The following CCSER1 variants were observed in gnomAD, a reference collection of about 807,000 sequenced individuals.
CCSER1 encodes the protein serine-rich coiled-coil domain-containing protein 1.
CCSER1 carries 41 observed loss-of-function variants against 82.0 expected under a neutral mutation model. The observed-to-expected ratio is 0.50, with a 90% CI of 0.39 to 0.65. CCSER1 has a LOEUF of 0.65. CCSER1 is among the 30% of genes least tolerant of loss of function. The pLI, the probability that CCSER1 is intolerant of heterozygous loss-of-function variation, is 0.00. For synonymous variants in CCSER1, 414 were observed against 383.9 expected (o/e 1.08, Z -0.92); for missense variants, 1,119 against 1,064.2 (o/e 1.05, Z -0.72).
intron 1 of CCSER1, among the ~76,000 whole-genome samples, chr4:90,250,621 A>G (rs1346202934): frequency 6.6e-6 from 1 of 152,114 alleles, no homozygotes; most frequent in Non-Finnish European, 1.5e-5. Context: ...GTAGTTTGGT[A>G]GTAAGTTTTG....
chr4:90,567,100 T>A (rs567885437), intron 5 of CCSER1, among the ~76,000 whole-genome samples: 30 of 151,996 alleles, frequency 2.0e-4, no homozygotes, highest in African/African-American at 7.0e-4. Flanking sequence ...TTTCATTAGT[T>A]TCTGCTTAGA....
chr4:90,963,495 A>G (rs1734240724), intron 9 of CCSER1, among the ~76,000 whole-genome samples: 2 of 152,192 alleles, frequency 1.3e-5, no homozygotes, highest in African/African-American at 4.8e-5. Flanking sequence ...GTGAATACTT[A>G]GAGATAGGGC....
rs551737955 is a variant in CCSER1 at position 90,349,901 on chromosome 4, A to G, written c.1509+36854A>G. On this transcript the variant is annotated intron_variant, in intron 3 of 10. Transcript: ENST00000509176. Reference sequence around the variant, plus strand: ...AGTGTTCACAGTTCCACAGATGGAAAGACTTAGAAACCCTAAACTGTCATA... The same window carrying G: ...AGTGTTCACAGTTCCACAGATGGAAGGACTTAGAAACCCTAAACTGTCATA... Among the ~76,000 whole-genome samples, 5 of 152,256 alleles carry G rather than the reference A, an allele frequency of 3.3e-5. No homozygotes were observed. The South Asian group carries it at 1.0e-3, about 32-fold the overall frequency.
chr4:90,942,954 A>G (rs1325508988), intron 9 of CCSER1, among the ~76,000 whole-genome samples: 1 of 148,172 alleles, frequency 6.7e-6, no homozygotes, highest in African/African-American at 2.5e-5. Flanking sequence ...TTTTTCATAT[A>G]TATATATATA....
chr4:91,258,283 T>C (rs1740848182), intron 10 of CCSER1, among the ~76,000 whole-genome samples: 1 of 152,120 alleles, frequency 6.6e-6, no homozygotes, highest in Admixed American at 6.5e-5. Context: ...GCAACCCTTT[T>C]AAAAACTGGA....
chr4:90,435,789 G>C (rs1758918593), intron 4 of CCSER1, among the ~76,000 whole-genome samples: 1 of 151,892 alleles, frequency 6.6e-6, no homozygotes, highest in Non-Finnish European at 1.5e-5. Flanking sequence ...TGAGTATTAA[G>C]GTTTATTCCA....
At chr4:90,709,552 T>C (rs1404485342) in intron 6 of CCSER1, among the ~76,000 whole-genome samples, 1 of 152,082 alleles carries the variant, frequency 6.6e-6, no homozygotes, top group Non-Finnish European at 1.5e-5. Context: ...TTCTGTTCCT[T>C]CACTAGTTTG....
intron 6 of CCSER1, among the ~76,000 whole-genome samples, chr4:90,705,922 G>A (rs1189414522): frequency 2.0e-5 from 3 of 152,172 alleles, no homozygotes; most frequent in South Asian, 2.1e-4. Context: ...TTGCACTTCC[G>A]GGGTCAGGCG....
chr4:90,703,319 T>G (rs1161587843), intron 6 of CCSER1, among the ~76,000 whole-genome samples: 1 of 152,262 alleles, frequency 6.6e-6, no homozygotes, highest in Non-Finnish European at 1.5e-5. Context: ...CTAGTTTTAT[T>G]GCACTGTGTT....
chr4:91,027,715 T>C (rs967849502), intron 9 of CCSER1, among the ~76,000 whole-genome samples: 2 of 152,074 alleles, frequency 1.3e-5, no homozygotes, highest in Non-Finnish European at 2.9e-5. Context: ...CAGGGTTTAC[T>C]TCTAATTTTA....
At chr4:90,504,386 A>T (rs1437550867) in intron 5 of CCSER1, among the ~76,000 whole-genome samples, 3 of 152,234 alleles carry the variant, frequency 2.0e-5, no homozygotes, top group African/African-American at 7.2e-5. Context: ...ATAAACAAAG[A>T]TCCAATAGCT....
intron 10 of CCSER1, among the ~76,000 whole-genome samples, chr4:91,482,234 C>T (rs1317864538): frequency 7.1e-6 from 1 of 141,708 alleles, no homozygotes; most frequent in East Asian, 2.1e-4. Context: ...AACCCCGTCT[C>T]TACTAAAAAT....
chr4:91,123,100 C>CT (rs1192231789), intron 10 of CCSER1, among the ~76,000 whole-genome samples: 3 of 151,554 alleles, frequency 2.0e-5, no homozygotes, highest in South Asian at 4.2e-4. Context: ...TCAATGATAC[C>CT]TTTTTTAAAG....
chr4:91,023,224 A>G (rs559656130), intron 9 of CCSER1, among the ~76,000 whole-genome samples: 101 of 152,304 alleles, frequency 6.6e-4, no homozygotes, highest in African/African-American at 2.0e-3. Context: ...GAAAATGGCC[A>G]TACTGCCCAA....
intron 9 of CCSER1, among the ~76,000 whole-genome samples, chr4:91,066,188 A>G (rs2080587371): frequency 6.6e-6 from 1 of 152,208 alleles, no homozygotes; most frequent in Non-Finnish European, 1.5e-5. Context: ...ATTTTCAAAA[A>G]TATCAAACAG....
intron 7 of CCSER1, among the ~76,000 whole-genome samples, chr4:90,763,561 C>A (rs1276450183): frequency 6.6e-6 from 1 of 152,044 alleles, no homozygotes; most frequent in Admixed American, 6.6e-5. Flanking sequence ...ACAATGTATC[C>A]ATTGGAAAGT....
At chr4:90,225,625 G>A in intron 1 of CCSER1, among the ~76,000 whole-genome samples, 1 of 152,222 alleles carries the variant, frequency 6.6e-6, no homozygotes, top group East Asian at 1.9e-4. Flanking sequence ...TGGTCTTATA[G>A]CAATAAGATT....
At chr4:90,156,638 T>C (rs1335776831) in intron 1 of CCSER1, among the ~76,000 whole-genome samples, 4 of 152,230 alleles carry the variant, frequency 2.6e-5, no homozygotes, top group Non-Finnish European at 5.9e-5. Context: ...TGGCCTTCTT[T>C]ATCTCTTTTG....
intron 10 of CCSER1, among the ~76,000 whole-genome samples, chr4:91,143,907 G>A (rs748559811): frequency 2.0e-5 from 3 of 151,940 alleles, no homozygotes; most frequent in Non-Finnish European, 4.4e-5. Flanking sequence ...TTGTATCTAT[G>A]TTCATCAGGG....
Sources: allele counts gnomAD v4.1 joint callset (sites outside exome capture counted in the v4.1 genomes callset), GRCh38; gene constraint gnomAD v4.1.1; transcripts MANE v1.5; gene names NCBI Gene and HGNC (gene_info 2026-07-23, HGNC 2026-07-21).